ST3GAL3: variants seen among roughly 807,000 people sequenced by gnomAD.
ST3GAL3 encodes ST3 beta-galactoside alpha-2,3-sialyltransferase 3.
Under a neutral mutation model 50.1 loss-of-function variants are expected in ST3GAL3, and 21 were observed. The ratio of observed to expected loss-of-function variants is 0.42; its 90% CI spans 0.30 to 0.60. The LOEUF is 0.60. Ranked by LOEUF, ST3GAL3 falls within the 20% of genes least tolerant of loss-of-function variation. ST3GAL3 has a pLI of 0.19. For synonymous variants in ST3GAL3, 183 were observed against 190.0 expected, an observed-to-expected ratio of 0.96 and a Z score of 0.30; for missense variants, 353 against 489.4, an observed-to-expected ratio of 0.72 and a Z score of 2.63.
intron 5 of ST3GAL3, among the ~76,000 whole-genome samples, chr1:43,846,654 G>A (rs1445217042): frequency 2.6e-5 from 4 of 152,054 alleles, no homozygotes; most frequent in Non-Finnish European, 4.4e-5. Context: ...ACATGTCACC[G>A]TACCCAGCTA....
chr1:43,920,467 C>T lies in ST3GAL3; in HGVS notation c.808C>T (p.Arg270Ter), dbSNP rs1461640035. 5 of 1,614,050 alleles carry T rather than the reference C, an allele frequency of 3.1e-6. No individual in the cohort carries two copies. The highest frequency in any genetic ancestry group is 4.2e-6 in the Non-Finnish European group (5 of 1,180,048). The part of the protein sequence containing the change: ...TRVPKEPPEI[R>*]ILNPYFIQEA... ...AGTGCCCAAGGAGCCCCCTGAGATT[C>T]GAATCCTCAACCCATATTTCATCCA... Residue 270 changes from arginine (R) to a stop codon, truncating the protein, a stop_gained, in exon 10 of 12, where the codon CGA (arginine) becomes TGA (stop). Coordinates refer to ENST00000347631, the MANE Select transcript of ST3GAL3 (RefSeq NM_006279.5). LOFTEE classifies it high-confidence loss of function.
At position 43,850,949 on chromosome 1, in the gene ST3GAL3, G is replaced by A. The variant is rs576507301; in HGVS notation, c.302+12638G>A. The A allele has an allele frequency of 2.1e-4, 215 of 1,036,548 alleles. 2 individuals are homozygous for A. In the South Asian group the frequency reaches 2.6e-3, roughly 13 times the overall value. 64.2% of individuals were successfully genotyped at this position (1,036,548 alleles called of 1,614,324 possible). On this transcript the variant is annotated intron_variant, in intron 5 of 11. Transcript: ENST00000347631. ...TACTTTGCCCTCCTTTCCTGTAGAA[G>A]ATCGTGCGGACTTGGCAGCCTCTCA...
intron 4 of ST3GAL3, among the ~76,000 whole-genome samples, chr1:43,830,419 A>G (rs1049761017): frequency 6.6e-6 from 1 of 152,140 alleles, no homozygotes; most frequent in Non-Finnish European, 1.5e-5. Flanking sequence ...TGTTTTCTTA[A>G]TACATTCTTC....
intron 9 of ST3GAL3, among the ~76,000 whole-genome samples, chr1:43,915,296 C>T (rs975135346): frequency 3.3e-5 from 5 of 152,202 alleles, no homozygotes; most frequent in Admixed American, 6.5e-5. Context: ...TGCTGTGCCA[C>T]GCCCTGGGCT....
chr1:43,886,258 G>A (rs1318788675), intron 5 of ST3GAL3, among the ~76,000 whole-genome samples: 3 of 152,318 alleles, frequency 2.0e-5, no homozygotes, highest in African/African-American at 4.8e-5. Flanking sequence ...GTGCACACCT[G>A]TAGTTCCAGC....
chr1:43,929,294 A>T (rs2084607336), intron 11 of ST3GAL3, among the ~76,000 whole-genome samples: 2 of 139,204 alleles, frequency 1.4e-5, no homozygotes, highest in South Asian at 4.8e-4. Flanking sequence ...CAATTAAAAA[A>T]TTAGTTTTAA....
At chr1:43,748,162 A>G (rs951401660) in intron 2 of ST3GAL3, among the ~76,000 whole-genome samples, 1 of 152,170 alleles carries the variant, frequency 6.6e-6, no homozygotes, top group African/African-American at 2.4e-5. Context: ...ATATCACACA[A>G]TATATAAAAC....
intron 5 of ST3GAL3, chr1:43,850,942 T>C (rs2067175775): frequency 9.3e-7 from 1 of 1,080,308 alleles, no homozygotes; most frequent in Admixed American, 1.7e-5. Context: ...CCTCCTTTCC[T>C]GTAGAAGATC....
chr1:43,715,264 C>CA (rs202015901), intron 1 of ST3GAL3, among the ~76,000 whole-genome samples: 2,222 of 146,660 alleles, frequency 0.015, 50 homozygotes, highest in African/African-American at 0.048. Context: ...TCACTGAGTA[C>CA]AAAAAAAAAA....
At chr1:43,739,202 G>C (rs1679766757) in intron 2 of ST3GAL3, 1 of 152,116 alleles carries the variant, frequency 6.6e-6, no homozygotes, top group African/African-American at 2.4e-5. Context: ...CTTCATGGCA[G>C]GGGGAAGAGG....
At chr1:43,844,774 C>T (rs909728808) in intron 5 of ST3GAL3, among the ~76,000 whole-genome samples, 1 of 151,644 alleles carries the variant, frequency 6.6e-6, no homozygotes, top group African/African-American at 2.4e-5. Flanking sequence ...TTGCAGTGAG[C>T]CAAGATCGTG....
chr1:43,731,453 A>G (rs1181019098), intron 1 of ST3GAL3, among the ~76,000 whole-genome samples: 2 of 134,996 alleles, frequency 1.5e-5, no homozygotes, highest in Non-Finnish European at 3.1e-5. Context: ...GGCGCGATCT[A>G]GGCTCACTGC....
At chr1:43,732,065 A>AT (rs1416493856) in intron 1 of ST3GAL3, among the ~76,000 whole-genome samples, 1 of 151,986 alleles carries the variant, frequency 6.6e-6, no homozygotes, top group African/African-American at 2.4e-5. Flanking sequence ...CTACAGCTAG[A>AT]TTTTTTTTCA....
chr1:43,802,940 T>A (rs1489462291), intron 3 of ST3GAL3, among the ~76,000 whole-genome samples: 1 of 152,012 alleles, frequency 6.6e-6, no homozygotes, highest in East Asian at 1.9e-4. Context: ...TTTTGTTTTG[T>A]TTTTGTTTTT....
At chr1:43,725,723 C>T (rs541023831) in intron 1 of ST3GAL3, among the ~76,000 whole-genome samples, 2 of 152,056 alleles carry the variant, frequency 1.3e-5, no homozygotes, top group Non-Finnish European at 2.9e-5. Context: ...CTCAGTTCAC[C>T]GCAGCCTCCA....
chr1:43,727,298 T>C (rs1017128825), intron 1 of ST3GAL3: 76 of 152,342 alleles, frequency 5.0e-4, no homozygotes, highest in African/African-American at 1.7e-3. Context: ...TTCCTTTTTT[T>C]TTTTTAAGCA....
intron 4 of ST3GAL3, among the ~76,000 whole-genome samples, chr1:43,826,496 T>G (rs2062822723): frequency 6.6e-6 from 1 of 152,072 alleles, no homozygotes; most frequent in African/African-American, 2.4e-5. Context: ...CTATCAAAAT[T>G]TAAGGGAAAA....
At chr1:43,917,496 A>G (rs1282358237) in intron 9 of ST3GAL3, among the ~76,000 whole-genome samples, 1 of 71,392 alleles carries the variant, frequency 1.4e-5, no homozygotes, top group Non-Finnish European at 2.6e-5. Context: ...TATAATATAT[A>G]TAATATATTA....
At chr1:43,715,855 G>A (rs1457037740) in intron 1 of ST3GAL3, among the ~76,000 whole-genome samples, 4 of 152,178 alleles carry the variant, frequency 2.6e-5, no homozygotes, top group Admixed American at 2.0e-4. Flanking sequence ...ACCTCATCAT[G>A]TTATATAACC....
Sources: gnomAD v4.1 joint callset for allele counts (sites outside exome capture counted in the v4.1 genomes callset) on GRCh38, gnomAD v4.1.1 for gene constraint, MANE v1.5 for transcripts, NCBI Gene and HGNC (gene_info 2026-07-23, HGNC 2026-07-21) for gene names.